Variants in DENND1A observed in about 807,000 individuals in gnomAD.
DENND1A encodes DENN domain containing 1A.
In DENND1A, 51 loss-of-function variants were observed where a neutral mutation model predicts 113.7. The ratio of observed to expected loss-of-function variants is 0.45; its 90% CI spans 0.36 to 0.57. The LOEUF (loss-of-function observed/expected upper bound fraction) is 0.57. DENND1A is among the 20% of genes least tolerant of loss of function. The probability of loss-of-function intolerance (pLI) is 0.00; values close to 1 mark genes in which losing one functional copy is unlikely to be tolerated. For synonymous variants in DENND1A, 565 were observed against 570.8 expected, an observed-to-expected ratio of 0.99 and a Z score of 0.14; for missense variants, 1,258 against 1,395.9, an observed-to-expected ratio of 0.90 and a Z score of 1.57.
chr9:123,400,773 G>T (rs1218072343), intron 21 of DENND1A: 1 of 152,180 alleles, frequency 6.6e-6, no homozygotes, highest in East Asian at 1.9e-4. Context: ...TAGAGACGGG[G>T]TTTCGCCATG....
chr9:123,538,766 G>T (rs2056008733), intron 13 of DENND1A, among the ~76,000 whole-genome samples: 1 of 141,134 alleles, frequency 7.1e-6, no homozygotes, highest in African/African-American at 2.6e-5. Flanking sequence ...GTGTGTGTGT[G>T]TGTGTGTGTG....
At chr9:123,824,871 A>T (rs989149449) in intron 2 of DENND1A, among the ~76,000 whole-genome samples, 2 of 152,208 alleles carry the variant, frequency 1.3e-5, no homozygotes, top group African/African-American at 2.4e-5. Flanking sequence ...ATAAAATTTC[A>T]TTTCAAGAAC....
At chr9:123,651,704 C>T (rs910677485) in intron 9 of DENND1A, among the ~76,000 whole-genome samples, 1 of 152,178 alleles carries the variant, frequency 6.6e-6, no homozygotes, top group Admixed American at 6.5e-5. Context: ...AATAATGACA[C>T]ACCCGTATCA....
intron 1 of DENND1A, among the ~76,000 whole-genome samples, chr9:123,904,085 C>A (rs1852282095): frequency 1.3e-5 from 2 of 152,152 alleles, no homozygotes. Flanking sequence ...AGCAGCCTAA[C>A]TGGGAGGCAC....
intron 9 of DENND1A, among the ~76,000 whole-genome samples, chr9:123,645,429 G>C (rs1421395869): frequency 6.6e-6 from 1 of 151,908 alleles, no homozygotes; most frequent in African/African-American, 2.4e-5. Flanking sequence ...CTCCGCACCA[G>C]CCCCCATCTA....
intron 2 of DENND1A, among the ~76,000 whole-genome samples, chr9:123,835,904 G>A (rs1840988714): frequency 6.6e-6 from 1 of 152,106 alleles, no homozygotes; most frequent in Non-Finnish European, 1.5e-5. Flanking sequence ...TATGAAGCCT[G>A]GCAAAAGTGA....
At chr9:123,815,553 T>C (rs1465667924) in intron 2 of DENND1A, among the ~76,000 whole-genome samples, 3 of 152,206 alleles carry the variant, frequency 2.0e-5, no homozygotes, top group Non-Finnish European at 2.9e-5. Flanking sequence ...GATAATTATA[T>C]AGCACTTGCA....
At chr9:123,783,691 T>C (rs537761065) in intron 3 of DENND1A, among the ~76,000 whole-genome samples, 5 of 152,262 alleles carry the variant, frequency 3.3e-5, no homozygotes, top group African/African-American at 1.2e-4. Context: ...GCAGTCTCAC[T>C]CCAAAGTCCA....
At chr9:123,645,054 T>C (rs2062239559) in intron 9 of DENND1A, among the ~76,000 whole-genome samples, 1 of 152,204 alleles carries the variant, frequency 6.6e-6, no homozygotes, top group Non-Finnish European at 1.5e-5. Flanking sequence ...TCCCTATTTA[T>C]CATTTATAAA....
chr9:123,524,870 C>G (rs768535053), intron 13 of DENND1A, among the ~76,000 whole-genome samples: 2 of 152,192 alleles, frequency 1.3e-5, no homozygotes, highest in Non-Finnish European at 2.9e-5. Context: ...CGCCTACCTC[C>G]GACTTAGCTA....
chr9:123,628,509 G>C (rs1398540723), intron 10 of DENND1A, among the ~76,000 whole-genome samples: 1 of 152,114 alleles, frequency 6.6e-6, no homozygotes, highest in Non-Finnish European at 1.5e-5. Context: ...TGGGTACAGG[G>C]GAGGGGTCTG....
At chr9:123,408,008 A>C (rs2044014374) in intron 20 of DENND1A, among the ~76,000 whole-genome samples, 1 of 152,154 alleles carries the variant, frequency 6.6e-6, no homozygotes, top group South Asian at 2.1e-4. Context: ...TTCTTTTTAA[A>C]AAGAAAACCC....
At chr9:123,398,507 TG>T (rs1427665560) in intron 21 of DENND1A, among the ~76,000 whole-genome samples, 1 of 151,928 alleles carries the variant, frequency 6.6e-6, no homozygotes, top group Non-Finnish European at 1.5e-5. Flanking sequence ...CCTGAGTAGC[TG>T]GGACTACAGG....
At chr9:123,534,708 T>G (rs2055591638) in intron 13 of DENND1A, among the ~76,000 whole-genome samples, 1 of 152,222 alleles carries the variant, frequency 6.6e-6, no homozygotes, top group Non-Finnish European at 1.5e-5. Context: ...TTGGTCTTGT[T>G]TCCTTGATTA....
intron 11 of DENND1A, among the ~76,000 whole-genome samples, chr9:123,601,274 A>G (rs1042397150): frequency 5.3e-5 from 8 of 152,232 alleles, no homozygotes; most frequent in Non-Finnish European, 1.2e-4. Flanking sequence ...ACTCAGCCAG[A>G]AGTACTTGTT....
chr9:123,632,257 G>A (rs1181477294), intron 9 of DENND1A, among the ~76,000 whole-genome samples: 1 of 151,532 alleles, frequency 6.6e-6, no homozygotes, highest in Non-Finnish European at 1.5e-5. Context: ...GCCATGAACT[G>A]GAACTGATTC....
chr9:123,706,930 G>A (rs1387225415), intron 5 of DENND1A, among the ~76,000 whole-genome samples: 1 of 152,100 alleles, frequency 6.6e-6, no homozygotes, highest in Non-Finnish European at 1.5e-5. Context: ...CTGAATTTTG[G>A]ATGTGTTATA....
At chr9:123,835,309 A>G (rs1469325798) in intron 2 of DENND1A, among the ~76,000 whole-genome samples, 1 of 152,180 alleles carries the variant, frequency 6.6e-6, no homozygotes, top group African/African-American at 2.4e-5. Context: ...GGGTAGGGAC[A>G]CTAGCTGAAT....
intron 2 of DENND1A, among the ~76,000 whole-genome samples, chr9:123,814,702 T>C (rs1158124974): frequency 6.6e-6 from 1 of 152,142 alleles, no homozygotes; most frequent in African/African-American, 2.4e-5. Context: ...CAAGTAGCAG[T>C]TCTCAAAGTG....
Sources: allele counts gnomAD v4.1 joint callset (sites outside exome capture counted in the v4.1 genomes callset), GRCh38; gene constraint gnomAD v4.1.1; transcripts MANE v1.5; gene names NCBI Gene and HGNC (gene_info 2026-07-23, HGNC 2026-07-21).